The following RBFOX1 variants were observed in gnomAD, a reference collection of about 807,000 sequenced individuals.
The protein encoded by RBFOX1 is RNA binding protein fox-1 homolog 1.
In RBFOX1, 8 loss-of-function variants were observed where a neutral mutation model predicts 57.7. That is an observed-to-expected ratio of 0.14 (90% CI 0.08 to 0.25). The LOEUF (loss-of-function observed/expected upper bound fraction) is 0.25. Among genes scored for constraint, RBFOX1 ranks in the 10% least tolerant of loss-of-function variants. The pLI is 1.00. For synonymous variants in RBFOX1, 326 were observed against 222.4 expected (o/e 1.47, Z -4.15); for missense variants, 611 against 548.5 (o/e 1.11, Z -1.14).
intron 3 of RBFOX1, among the ~76,000 whole-genome samples, chr16:6,916,856 T>G (rs1597149628): frequency 6.6e-6 from 1 of 152,174 alleles, no homozygotes; most frequent in Admixed American, 6.5e-5. Flanking sequence ...GTTTTTGTTT[T>G]TTTGTGTGTA....
intron 4 of RBFOX1, among the ~76,000 whole-genome samples, chr16:7,367,875 C>T (rs1322723766): frequency 7.9e-6 from 1 of 127,084 alleles, no homozygotes; most frequent in African/African-American, 3.1e-5. Context: ...CACGTGCACA[C>T]ATGCGTGCAT....
intron 3 of RBFOX1, among the ~76,000 whole-genome samples, chr16:6,660,503 A>G (rs1471714647): frequency 1.3e-5 from 2 of 152,180 alleles, no homozygotes; most frequent in African/African-American, 2.4e-5. Flanking sequence ...CCACGATTTG[A>G]GCTCAGAGAT....
At chr16:5,302,697 G>A (rs73510361) in intron 1 of RBFOX1, among the ~76,000 whole-genome samples, 2,392 of 152,216 alleles carry the variant, frequency 0.016, 52 homozygotes, top group African/African-American at 0.054. Flanking sequence ...CCCTAGTAAT[G>A]CTCTTTGTCT....
chr16:5,593,357 G>C (rs1256431286), intron 2 of RBFOX1, among the ~76,000 whole-genome samples: 1 of 152,106 alleles, frequency 6.6e-6, no homozygotes, highest in African/African-American at 2.4e-5. Context: ...GGGGGGTTAG[G>C]GGAGGGATAG....
chr16:5,737,026 C>G (rs1054045228), intron 3 of RBFOX1, among the ~76,000 whole-genome samples: 2 of 151,800 alleles, frequency 1.3e-5, no homozygotes. Context: ...TCAAGCACCT[C>G]CTTCATTTAA....
intron 4 of RBFOX1, among the ~76,000 whole-genome samples, chr16:7,324,696 G>A (rs2096588765): frequency 6.6e-6 from 1 of 152,152 alleles, no homozygotes; most frequent in African/African-American, 2.4e-5. Context: ...TGAACCACTG[G>A]GGATTTGAGT....
intron 3 of RBFOX1, among the ~76,000 whole-genome samples, chr16:5,605,497 G>T (rs549394121): frequency 1.3e-5 from 2 of 152,120 alleles, no homozygotes; most frequent in Admixed American, 6.5e-5. Context: ...TGCCACTGAT[G>T]ATTAATGATT....
chr16:6,785,742 C>G (rs1192636397), intron 3 of RBFOX1, among the ~76,000 whole-genome samples: 1 of 152,172 alleles, frequency 6.6e-6, no homozygotes, highest in Non-Finnish European at 1.5e-5. Flanking sequence ...ATACCAATTC[C>G]ACTATTGTTA....
chr16:5,571,626 T>C (rs1405319661), intron 2 of RBFOX1, among the ~76,000 whole-genome samples: 1 of 152,086 alleles, frequency 6.6e-6, no homozygotes, highest in African/African-American at 2.4e-5. Context: ...GGCGCCATGC[T>C]TCTTGAGGTT....
At chr16:6,487,695 AAAAAAATATATATATATATAT>A (rs2095528781) in intron 2 of RBFOX1, among the ~76,000 whole-genome samples, 1 of 6,298 alleles carries the variant, frequency 1.6e-4, no homozygotes, top group Non-Finnish European at 3.7e-4. Flanking sequence ...AAAAAAAAAA[AAAAAAATATATATATATATAT>A]ATATATATAT....
intron 1 of RBFOX1, among the ~76,000 whole-genome samples, chr16:6,270,382 G>T (rs538578867): frequency 2.1e-5 from 3 of 145,664 alleles, no homozygotes; most frequent in Non-Finnish European, 4.5e-5. Context: ...TAAAAGGATG[G>T]AAAAAAGATA....
intron 2 of RBFOX1, among the ~76,000 whole-genome samples, chr16:6,412,153 CAAAA>C (rs886851602): frequency 7.0e-6 from 1 of 143,294 alleles, no homozygotes; most frequent in Non-Finnish European, 1.5e-5. Flanking sequence ...AACAAAAAAA[CAAAA>C]AAACAAAAAA....
chr16:5,736,430 C>T (rs1041614806), intron 3 of RBFOX1, among the ~76,000 whole-genome samples: 4 of 151,996 alleles, frequency 2.6e-5, no homozygotes, highest in South Asian at 2.1e-4. Context: ...CAGCCACCCA[C>T]GGCCATATGG....
chr16:6,298,795 G>A (rs1373451633), intron 1 of RBFOX1, among the ~76,000 whole-genome samples: 3 of 152,166 alleles, frequency 2.0e-5, no homozygotes, highest in Non-Finnish European at 4.4e-5. Flanking sequence ...ATATTTGTTG[G>A]ATGCAAGTGC....
At chr16:5,373,751 C>T (rs1322343579) in intron 1 of RBFOX1, among the ~76,000 whole-genome samples, 2 of 151,686 alleles carry the variant, frequency 1.3e-5, no homozygotes, top group East Asian at 1.9e-4. Context: ...TAACAGGTGC[C>T]GACCACCACA....
chr16:6,855,507 G>A (rs1438050400), intron 3 of RBFOX1, among the ~76,000 whole-genome samples: 1 of 151,936 alleles, frequency 6.6e-6, no homozygotes, highest in East Asian at 1.9e-4. Flanking sequence ...GAAAAAATTA[G>A]CTGGGGGCGA....
At chr16:6,399,374 A>G (rs1240133959) in intron 2 of RBFOX1, among the ~76,000 whole-genome samples, 3 of 152,168 alleles carry the variant, frequency 2.0e-5, no homozygotes, top group Admixed American at 6.5e-5. Context: ...TCCACCAGAT[A>G]TGCGAAATCA....
chr16:5,452,592 T>A (rs932305203), intron 1 of RBFOX1, among the ~76,000 whole-genome samples: 33 of 151,864 alleles, frequency 2.2e-4, no homozygotes, highest in Admixed American at 1.3e-4. Context: ...GCCTTACCTG[T>A]CCCTCATCCA....
chr16:6,306,080 A>G (rs1348932762), intron 1 of RBFOX1, among the ~76,000 whole-genome samples: 1 of 152,144 alleles, frequency 6.6e-6, no homozygotes, highest in Non-Finnish European at 1.5e-5. Context: ...CACTCTGTTG[A>G]GTGCAGAGTA....
Sources: allele counts gnomAD v4.1 joint callset (sites outside exome capture counted in the v4.1 genomes callset), GRCh38; gene constraint gnomAD v4.1.1; transcripts MANE v1.5; gene names NCBI Gene and HGNC (gene_info 2026-07-23, HGNC 2026-07-21).